Variants in DOCK1 observed in about 807,000 individuals in gnomAD.
DOCK1 encodes the protein dedicator of cytokinesis protein 1.
Under a neutral mutation model 262.7 loss-of-function variants are expected in DOCK1, and 138 were observed. That is an observed-to-expected ratio of 0.53 (90% CI 0.46 to 0.61). DOCK1 has a LOEUF of 0.61. Among genes scored for constraint, DOCK1 ranks in the 20% least tolerant of loss-of-function variants. The pLI is 0.00. For synonymous variants in DOCK1, 866 were observed against 867.4 expected, an observed-to-expected ratio of 1.00 and a Z score of 0.03; for missense variants, 1,908 against 2,370.7, an observed-to-expected ratio of 0.80 and a Z score of 4.05.
intron 47 of DOCK1, among the ~76,000 whole-genome samples, chr10:127,432,804 C>A (rs1231327725): frequency 6.6e-6 from 1 of 152,188 alleles, no homozygotes; most frequent in Non-Finnish European, 1.5e-5. Flanking sequence ...ACGTACTCTT[C>A]ATTAAGCAGC....
At chr10:126,974,577 T>G (rs2038371480) in intron 2 of DOCK1, among the ~76,000 whole-genome samples, 1 of 152,166 alleles carries the variant, frequency 6.6e-6, no homozygotes, top group African/African-American at 2.4e-5. Context: ...ATCTTTCTCC[T>G]TCCAGCCTCA....
At chr10:126,999,308 C>G (rs949983365) in intron 8 of DOCK1, 46 bp from the exon 9 acceptor site, 2 of 1,484,872 alleles carry the variant, frequency 1.3e-6, no homozygotes, top group Non-Finnish European at 1.9e-6. Context: ...ATTTGGTACC[C>G]TGTTATTTGG....
chr10:127,035,946 G>A (rs1228373410), intron 18 of DOCK1, among the ~76,000 whole-genome samples: 2 of 151,774 alleles, frequency 1.3e-5, no homozygotes, highest in African/African-American at 2.4e-5. Context: ...AGGCTGCATT[G>A]AGCTGTGGTT....
intron 33 of DOCK1, among the ~76,000 whole-genome samples, chr10:127,367,926 G>T (rs1232288638): frequency 6.6e-6 from 1 of 152,212 alleles, no homozygotes; most frequent in Non-Finnish European, 1.5e-5. Context: ...GGAAGCCCCA[G>T]TGGATGCCCA....
At chr10:126,980,979 G>T (rs1480390565) in intron 3 of DOCK1, among the ~76,000 whole-genome samples, 4 of 140,826 alleles carry the variant, frequency 2.8e-5, no homozygotes, top group Non-Finnish European at 6.0e-5. Context: ...GCGGAGTCTC[G>T]CTCTGTCGCC....
At chr10:127,137,936 T>G (rs1486043174) in intron 27 of DOCK1, 1 of 1,614,126 alleles carries the variant, frequency 6.2e-7, no homozygotes, top group South Asian at 1.1e-5. Flanking sequence ...AAGGCGAAGG[T>G]ATGACCTGAG....
At chr10:127,349,332 C>A (rs566926305) in intron 31 of DOCK1, among the ~76,000 whole-genome samples, 1 of 152,194 alleles carries the variant, frequency 6.6e-6, no homozygotes, top group East Asian at 1.9e-4. Context: ...ACATCCTCAA[C>A]ATGTTTCTTC....
At position 127,061,750 on chromosome 10, in the gene DOCK1, A is replaced by T. The variant is rs1216873725; in HGVS notation, c.2419A>T (p.Met807Leu). ...GTCCATCAATGACATGATGAGCAGC[A>T]TGTCAGACCAGACCGTCCGGGTGAA... Reference protein sequence around the residue: ...FRSINDMMSSMSDQTVRVKGA... With the variant: ...FRSINDMMSSLSDQTVRVKGA... The change falls in exon 23 of 52, where the codon ATG becomes TTG. Residue 807 changes from methionine to leucine, a missense_variant. By Grantham distance (15) the Met-to-Leu change is conservative. Transcript: ENST00000623213. The T allele has an allele frequency of 1.3e-6, 2 of 1,592,648 alleles. No homozygotes were observed. Among genetic ancestry groups the T allele is most frequent in the Admixed American group, 1.8e-5 (1 of 56,670 alleles).
At chr10:126,977,678 A>T (rs1464746310) in intron 2 of DOCK1, among the ~76,000 whole-genome samples, 1 of 152,166 alleles carries the variant, frequency 6.6e-6, no homozygotes, top group African/African-American at 2.4e-5. Context: ...CTGAACTTCA[A>T]ACTGCTGCTT....
At chr10:126,951,254 G>A (rs2036198978) in intron 1 of DOCK1, among the ~76,000 whole-genome samples, 2 of 151,318 alleles carry the variant, frequency 1.3e-5, no homozygotes, top group African/African-American at 4.9e-5. Flanking sequence ...GGTAATATTA[G>A]TGATAGTGGT....
Position 127,451,549 on chromosome 10 carries a change from G to C in DOCK1, c.*122G>C. 1.3e-6 allele frequency: 2 copies of C among 1,515,732 alleles called. No individual in the cohort carries two copies. The highest frequency in any genetic ancestry group is 1.8e-6 in the Non-Finnish European group (2 of 1,132,644). The allele number at this position is 1,515,732 out of a possible 1,614,324, so 93.9% of individuals were successfully genotyped here. On this transcript the variant is annotated 3_prime_UTR_variant, in exon 52 of 52. Transcript: ENST00000623213. The stretch of plus-strand genomic sequence containing the variant: ...TGTGATGTTAACATTTCGTGCGACT[G>C]CTTTTTCTTCAAAGGAGTTCAGTTC...
chr10:127,387,730 G>A (rs1374123360), intron 38 of DOCK1, among the ~76,000 whole-genome samples: 1 of 152,130 alleles, frequency 6.6e-6, no homozygotes, highest in Non-Finnish European at 1.5e-5. Context: ...TTACATTATG[G>A]ACGTGTGTGG....
At chr10:127,345,299 G>A (rs1001494584) in intron 31 of DOCK1, among the ~76,000 whole-genome samples, 2 of 152,134 alleles carry the variant, frequency 1.3e-5, no homozygotes, top group African/African-American at 2.4e-5. Context: ...TCATTAAAAA[G>A]CAAAACCATT....
Position 127,019,974 on chromosome 10 carries a change from G to C in DOCK1, c.1327+1139G>C, listed in dbSNP as rs369904485. On this transcript the variant is annotated intron_variant, in intron 13 of 51. Coordinates refer to ENST00000623213, the MANE Select transcript of DOCK1 (RefSeq NM_001290223.2). ...TGCATGCTGTAGGAGTTACTGCTTTGCTTACTTTAGTGCAACTTCAAGACA... is the reference window on the plus strand; with the variant it reads ...TGCATGCTGTAGGAGTTACTGCTTTCCTTACTTTAGTGCAACTTCAAGACA... Among the ~76,000 whole-genome samples, 14 of 152,278 alleles carry C rather than the reference G, an allele frequency of 9.2e-5. No individual in the cohort carries two copies. In the East Asian group the frequency reaches 1.4e-3, roughly 15 times the overall value.
At chr10:127,017,279 A>ACACACACAGG (rs2135389075) in intron 12 of DOCK1, among the ~76,000 whole-genome samples, 2 of 54,628 alleles carry the variant, frequency 3.7e-5, no homozygotes, top group South Asian at 1.4e-3. Flanking sequence ...ATATAGACAC[A>ACACACACAGG]CACAGACACA....
intron 13 of DOCK1, among the ~76,000 whole-genome samples, chr10:127,019,870 G>T (rs1336983769): frequency 6.6e-6 from 1 of 152,214 alleles, no homozygotes; most frequent in Non-Finnish European, 1.5e-5. Flanking sequence ...TGGAAACGGG[G>T]ACAAACTCCC....
intron 33 of DOCK1, among the ~76,000 whole-genome samples, chr10:127,362,986 TC>T (rs150863826): frequency 3.7e-3 from 19 of 5,202 alleles, no homozygotes; most frequent in East Asian, 6.3e-3. Context: ...CACATACACA[TC>T]CCCCCCCACA....
At chr10:127,094,805 A>T (rs2136130949) in intron 23 of DOCK1, among the ~76,000 whole-genome samples, 1 of 152,296 alleles carries the variant, frequency 6.6e-6, no homozygotes, top group Admixed American at 6.5e-5. Flanking sequence ...CCCTTAAGAT[A>T]CTGTGGAACT....
chr10:126,992,764 A>G (rs1322657847), intron 6 of DOCK1, among the ~76,000 whole-genome samples: 2 of 143,508 alleles, frequency 1.4e-5, no homozygotes, highest in African/African-American at 5.1e-5. Flanking sequence ...ACACACACAC[A>G]GACAGACACA....
Sources: allele counts gnomAD v4.1 joint callset (sites outside exome capture counted in the v4.1 genomes callset), GRCh38; gene constraint gnomAD v4.1.1; transcripts MANE v1.5; gene names NCBI Gene and HGNC (gene_info 2026-07-23, HGNC 2026-07-21).